PHTF1: variants seen among roughly 807,000 people sequenced by gnomAD.
The protein encoded by PHTF1 is putative homeodomain transcription factor 1.
Under a neutral mutation model 102.4 loss-of-function variants are expected in PHTF1, and 88 were observed. That is an observed-to-expected ratio of 0.86 (90% CI 0.72 to 1.03). PHTF1 has a LOEUF of 1.03. PHTF1 is among the 50% of genes least tolerant of loss of function. The probability of loss-of-function intolerance (pLI) is 0.00; values close to 1 mark genes in which losing one functional copy is unlikely to be tolerated. For missense variants in PHTF1, 814 were observed against 909.5 expected, an observed-to-expected ratio of 0.89 and a Z score of 1.35; for synonymous variants, 289 against 305.2, an observed-to-expected ratio of 0.95 and a Z score of 0.55.
Position 113,697,412 on chromosome 1 carries a change from T to C in PHTF1, c.*293A>G, listed in dbSNP as rs1271242362. 1 of 323,856 alleles carries C rather than the reference T, an allele frequency of 3.1e-6. No individual in the cohort carries two copies. Among genetic ancestry groups the C allele is most frequent in the African/African-American group, 2.2e-5 (1 of 45,596 alleles). 20.1% of individuals were successfully genotyped at this position (323,856 alleles called of 1,614,324 possible). On this transcript the variant is annotated 3_prime_UTR_variant, in exon 19 of 19. Transcript: ENST00000369604. ...TGTCCAGTAAACATAACTGTCACAG[T>C]ACTGAAGCGCAAACTTACAAAATTG...
intron 6 of PHTF1, among the ~76,000 whole-genome samples, 158 bp from the exon 7 acceptor site, chr1:113,725,051 T>C (rs1280420013): frequency 6.6e-6 from 1 of 152,222 alleles, no homozygotes; most frequent in Non-Finnish European, 1.5e-5. Context: ...ACTTTCTGAT[T>C]TGAGGGCAAA....
intron 5 of PHTF1, among the ~76,000 whole-genome samples, chr1:113,732,895 T>C (rs965605531): frequency 1.4e-4 from 22 of 151,924 alleles, no homozygotes; most frequent in African/African-American, 5.3e-4. Context: ...CAATCTTTTG[T>C]TGAGGGGGCG....
rs921032581 is a variant in PHTF1 at position 113,726,454 on chromosome 1, G to A, written c.452C>T (p.Thr151Ile). ...ATTTCCATTGTTTCCTGATGGTCTT[G>A]TTATCTGAGTAGACACAATTTGACA... ...VHCQIVSTQI[T>I]RPSGNNGNRR... Residue 151 changes from threonine (T) to isoleucine (I), a missense_variant, in exon 6 of 19, where the codon ACA becomes ATA. By Grantham distance (89) the Thr-to-Ile change is moderately conservative. Transcript: ENST00000369604. 5.6e-6 allele frequency: 9 copies of A among 1,610,100 alleles called. No homozygotes were observed. Among genetic ancestry groups the A allele is most frequent in the South Asian group, 4.4e-5 (4 of 90,230 alleles).
intron 11 of PHTF1, among the ~76,000 whole-genome samples, chr1:113,707,640 A>G (rs1650415571): frequency 6.6e-6 from 1 of 152,218 alleles, no homozygotes; most frequent in South Asian, 2.1e-4. Context: ...GCCAACAAGT[A>G]TTTATTGATT....
In PHTF1 at chr1:113,700,091, C is replaced by T. The variant is rs1223734835; in HGVS notation, c.2047-292G>A. ...ACATAACATAATTAGCACGTAAGCACCTTGAGTTCAAAACCTCTATCTTAT... is the reference window on the plus strand; with the variant it reads ...ACATAACATAATTAGCACGTAAGCATCTTGAGTTCAAAACCTCTATCTTAT... On this transcript the variant is annotated intron_variant, in intron 16 of 18. Coordinates refer to ENST00000369604, the MANE Select transcript of PHTF1 (RefSeq NM_001323043.2). 6 of 1,062,626 alleles carry T rather than the reference C, an allele frequency of 5.6e-6. No homozygotes were observed. The Admixed American group carries it at 1.5e-4, about 27-fold the overall frequency. The allele number at this position is 1,062,626 out of a possible 1,614,324, so 65.8% of individuals were successfully genotyped here.
At chr1:113,731,039 G>A (rs547085893) in intron 5 of PHTF1, among the ~76,000 whole-genome samples, 1 of 152,262 alleles carries the variant, frequency 6.6e-6, no homozygotes, top group East Asian at 1.9e-4. Flanking sequence ...TAATGGGTAT[G>A]GAGTTTCAGT....
At chr1:113,726,643 C>A (rs542808646) in intron 5 of PHTF1, 69 bp from the exon 6 acceptor site, 1 of 972,858 alleles carries the variant, frequency 1.0e-6, no homozygotes, top group Admixed American at 3.0e-5. Context: ...AAAAACTATA[C>A]AAATTGTTTC....
intron 5 of PHTF1, among the ~76,000 whole-genome samples, chr1:113,727,154 AT>A (rs1557940501): frequency 6.6e-6 from 1 of 152,200 alleles, no homozygotes; most frequent in African/African-American, 2.4e-5. Context: ...CATATTTCAG[AT>A]TTTCACATAA....
chr1:113,701,839 A>T (rs1488028592), intron 15 of PHTF1, among the ~76,000 whole-genome samples: 2 of 142,540 alleles, frequency 1.4e-5, no homozygotes, highest in African/African-American at 5.5e-5. Flanking sequence ...AAAAAAAAAA[A>T]AAAAAAAAAA....
chr1:113,719,031 C>T (rs1169430014), intron 7 of PHTF1, among the ~76,000 whole-genome samples: 2 of 151,700 alleles, frequency 1.3e-5, no homozygotes, highest in South Asian at 2.1e-4. Context: ...GACAGAGTCT[C>T]GTTCTGTCAC....
At chr1:113,750,483 AAAAAG>A (rs1267244534) in intron 3 of PHTF1, among the ~76,000 whole-genome samples, 30 of 152,276 alleles carry the variant, frequency 2.0e-4, no homozygotes, top group African/African-American at 6.7e-4. Context: ...AAAACACACA[AAAAAG>A]AAAAGATAAT....
rs773750560 is a variant in PHTF1, at chr1:113,711,993, C to G, written c.904G>C (p.Gly302Arg). Residue 302 changes from glycine to arginine, a missense_variant, in exon 9 of 19, where the codon GGT becomes CGT. Physicochemically the swap from Gly to Arg is moderately radical, Grantham distance 125. Transcript: ENST00000369604. ...GATTTTCTATTCTTAACTTCACAAC[C>G]ATTGTCACTTGAGGCCCCTTCCACA... ...RSVEGASSDNGCEVKNRKSIL... is the reference protein window; with the variant it reads ...RSVEGASSDNRCEVKNRKSIL... The G allele has an allele frequency of 3.7e-6, 6 of 1,614,012 alleles. No individual in the cohort carries two copies. The East Asian group carries it at 1.1e-4, about 30-fold the overall frequency.
chr1:113,699,813 T>C lies in PHTF1; in HGVS notation c.2047-14A>G, dbSNP rs1057271465. On this transcript the variant is annotated splice_polypyrimidine_tract_variant and intron_variant, in intron 16 of 18. Transcript: ENST00000369604. ...ATATAAATTAATCTAAGGGAAGGAATAGAAATTAAGGTAAATTTCTTGGAA... is the reference window on the plus strand; with the variant it reads ...ATATAAATTAATCTAAGGGAAGGAACAGAAATTAAGGTAAATTTCTTGGAA... The C allele has an allele frequency of 1.0e-6, 1 of 980,522 alleles. No homozygotes were observed. The allele number at this position is 980,522 out of a possible 1,614,324, so 60.7% of individuals were successfully genotyped here. A position where few individuals can be genotyped will look rare whatever the true frequency, so the allele number is the denominator to read the frequency against.
At chr1:113,756,235 AC>A (rs1658860596) in intron 3 of PHTF1, among the ~76,000 whole-genome samples, 1 of 152,152 alleles carries the variant, frequency 6.6e-6, no homozygotes, top group African/African-American at 2.4e-5. Flanking sequence ...AAATAACAGG[AC>A]AGGCTTTAGA....
In PHTF1 at chr1:113,697,609, A is replaced by C. The variant is rs748618095; in HGVS notation, c.*96T>G. On this transcript the variant is annotated 3_prime_UTR_variant, in exon 19 of 19. Coordinates refer to ENST00000369604, the MANE Select transcript of PHTF1 (RefSeq NM_001323043.2). Reference sequence around the variant, plus strand: ...GCTGAGAGCACCTGTGCATGTGAACAAGCAGGTGGGTATCTCACTGGTTTC... The same window carrying C: ...GCTGAGAGCACCTGTGCATGTGAACCAGCAGGTGGGTATCTCACTGGTTTC... 1.2e-6 allele frequency: 1 copy of C among 844,130 alleles called. No homozygotes were observed. Among genetic ancestry groups the C allele is most frequent in the African/African-American group, 1.7e-5 (1 of 58,712 alleles). 52.3% of individuals were successfully genotyped at this position (844,130 alleles called of 1,614,324 possible).
intron 2 of PHTF1, among the ~76,000 whole-genome samples, chr1:113,758,230 T>TAAAAA (rs1251386738): frequency 5.3e-5 from 1 of 18,788 alleles, no homozygotes. Context: ...AAACTCCGTC[T>TAAAAA]CAAAAAAAAA....
At chr1:113,707,444 C>T (rs951865883) in intron 11 of PHTF1, among the ~76,000 whole-genome samples, 3 of 152,174 alleles carry the variant, frequency 2.0e-5, no homozygotes, top group African/African-American at 7.2e-5. Context: ...ACTAACTTTG[C>T]CCTTCTCTGA....
chr1:113,724,767 A>G lies in PHTF1; in HGVS notation c.615T>C (p.Phe205=), dbSNP rs776406500. ...PIIGGFWETI[F]GNRIKRVKLI... ...GTAAAAAAGACTCCCACCTGTTGCC[A>G]AAGATAGTCTCCCAAAAACCACCAA... The change falls in exon 7 of 19, where the codon TTT becomes TTC. Residue 205 remains phenylalanine, a synonymous_variant. Coordinates refer to ENST00000369604, the MANE Select transcript of PHTF1 (RefSeq NM_001323043.2). The G allele has an allele frequency of 6.3e-7, 1 of 1,597,670 alleles. No homozygotes were observed. Among genetic ancestry groups the G allele is most frequent in the Admixed American group, 1.8e-5 (1 of 55,340 alleles).
At chr1:113,738,644 T>C (rs1655885434) in intron 4 of PHTF1, 86 bp downstream of exon 4, 1 of 806,662 alleles carries the variant, frequency 1.2e-6, no homozygotes, top group Non-Finnish European at 2.0e-6. Context: ...AATTAAAGTA[T>C]ACCATCATAT....
Sources: allele counts gnomAD v4.1 joint callset (sites outside exome capture counted in the v4.1 genomes callset), GRCh38; gene constraint gnomAD v4.1.1; transcripts MANE v1.5; gene names NCBI Gene and HGNC (gene_info 2026-07-23, HGNC 2026-07-21).